KAT2B: variants seen among roughly 807,000 people sequenced by gnomAD.
KAT2B encodes histone acetyltransferase KAT2B.
Under a neutral mutation model 105.9 loss-of-function variants are expected in KAT2B, and 36 were observed. The observed-to-expected ratio is 0.34, with a 90% CI of 0.26 to 0.45. The LOEUF is 0.45. KAT2B is among the 20% of genes least tolerant of loss of function. The probability of loss-of-function intolerance (pLI) is 1.00; values close to 1 mark genes in which losing one functional copy is unlikely to be tolerated. For missense variants in KAT2B, 820 were observed against 1,021.6 expected, an observed-to-expected ratio of 0.80 and a Z score of 2.69; for synonymous variants, 397 against 377.9, an observed-to-expected ratio of 1.05 and a Z score of -0.59.
chr3:20,113,019 A>G (rs984375216), intron 6 of KAT2B, among the ~76,000 whole-genome samples: 2 of 152,230 alleles, frequency 1.3e-5, no homozygotes, highest in African/African-American at 2.4e-5. Context: ...CAATATTTGC[A>G]CATATATTTC....
At chr3:20,042,355 C>T (rs552679002) in intron 1 of KAT2B, among the ~76,000 whole-genome samples, 9 of 152,160 alleles carry the variant, frequency 5.9e-5, no homozygotes, top group Non-Finnish European at 5.9e-5. Flanking sequence ...AGGAGTTGAT[C>T]ATGAAGGGCA....
chr3:20,152,450 A>G lies in KAT2B; in HGVS notation c.2424A>G (p.Glu808=), dbSNP rs1234871905. The G allele has an allele frequency of 4.3e-6, 7 of 1,613,382 alleles. No homozygotes were observed. The African/African-American group carries it at 8.0e-5, about 18-fold the overall frequency. Residue 808 remains glutamate (E), a synonymous_variant, in exon 18 of 18, where the codon GAA becomes GAG. Coordinates refer to ENST00000263754, the MANE Select transcript of KAT2B (RefSeq NM_003884.5). The part of the protein sequence containing the change: ...NCKEYNPPES[E]YYKCANILEK... Reference sequence around the variant, plus strand: ...AAGAGTACAACCCCCCTGAGAGTGAATACTACAAATGTGCCAATATCCTGG... The same window carrying G: ...AAGAGTACAACCCCCCTGAGAGTGAGTACTACAAATGTGCCAATATCCTGG...
chr3:20,078,005 C>T (rs1048121145), intron 2 of KAT2B, among the ~76,000 whole-genome samples: 18 of 151,970 alleles, frequency 1.2e-4, no homozygotes, highest in African/African-American at 4.1e-4. Context: ...CGAAACTCCA[C>T]CTCTACAAAA....
At chr3:20,042,233 T>C (rs1575099770) in intron 1 of KAT2B, among the ~76,000 whole-genome samples, 1 of 152,230 alleles carries the variant, frequency 6.6e-6, no homozygotes, top group African/African-American at 2.4e-5. Context: ...TTTGTCCCCT[T>C]TGATTTTAGC....
intron 1 of KAT2B, among the ~76,000 whole-genome samples, chr3:20,048,834 G>A: frequency 6.6e-6 from 1 of 152,156 alleles, no homozygotes; most frequent in Middle Eastern, 3.2e-3. Context: ...GGGAATCCTT[G>A]CTTCTTTCCC....
intron 11 of KAT2B, among the ~76,000 whole-genome samples, chr3:20,133,004 C>T (rs2125185400): frequency 6.6e-6 from 1 of 152,330 alleles, no homozygotes; most frequent in Admixed American, 6.5e-5. Flanking sequence ...TCCAACTGGC[C>T]AACCATTTGC....
At chr3:20,079,273 C>T (rs1482997632) in intron 2 of KAT2B, among the ~76,000 whole-genome samples, 37 of 144,464 alleles carry the variant, frequency 2.6e-4, no homozygotes, top group African/African-American at 8.8e-4. Context: ...GGTGCAATCT[C>T]GGCTCACTGC....
intron 1 of KAT2B, among the ~76,000 whole-genome samples, chr3:20,061,861 TA>T (rs1698108762): frequency 1.8e-5 from 2 of 110,990 alleles, no homozygotes; most frequent in South Asian, 2.9e-4. Flanking sequence ...ATAATATACA[TA>T]AAATATATAA....
intron 8 of KAT2B, among the ~76,000 whole-genome samples, chr3:20,120,793 C>T (rs141456670): frequency 1.0e-3 from 158 of 152,038 alleles, no homozygotes; most frequent in Non-Finnish European, 1.7e-3. Context: ...TGACGTCAGA[C>T]AAATCTTGGA....
chr3:20,047,965 T>A (rs980816594), intron 1 of KAT2B, among the ~76,000 whole-genome samples: 2 of 152,140 alleles, frequency 1.3e-5, no homozygotes, highest in African/African-American at 4.8e-5. Context: ...GTTGTTGGTT[T>A]GCAAACAGAA....
chr3:20,076,108 C>T (rs567923559), intron 2 of KAT2B, among the ~76,000 whole-genome samples: 3 of 151,996 alleles, frequency 2.0e-5, no homozygotes, highest in East Asian at 3.9e-4. Context: ...CAGGTATGAT[C>T]GAAAGGGGCT....
chr3:20,078,412 G>C (rs192154572), intron 2 of KAT2B, among the ~76,000 whole-genome samples: 11 of 151,984 alleles, frequency 7.2e-5, no homozygotes, highest in Non-Finnish European at 1.2e-4. Flanking sequence ...TTTCTCTTCT[G>C]TCCAGGCTGA....
At chr3:20,079,618 A>G (rs1381578578) in intron 2 of KAT2B, among the ~76,000 whole-genome samples, 1 of 152,242 alleles carries the variant, frequency 6.6e-6, no homozygotes, top group African/African-American at 2.4e-5. Context: ...GGATATTTCA[A>G]GTATTTAAAT....
intron 10 of KAT2B, 128 bp downstream of exon 10, chr3:20,126,241 G>GC: frequency 1.4e-6 from 1 of 710,726 alleles, no homozygotes; most frequent in Non-Finnish European, 2.3e-6. Context: ...TGGATACAGA[G>GC]CTTCACCAAG....
chr3:20,106,593 C>T (rs73818813), intron 5 of KAT2B, among the ~76,000 whole-genome samples: 11,373 of 152,026 alleles, frequency 0.075, 477 homozygotes, highest in East Asian at 0.2. Flanking sequence ...AAATTGAGGT[C>T]TATAAAATGA....
In KAT2B at chr3:20,127,621, G is replaced by A. The variant is rs951096256; in HGVS notation, c.1749+72G>A. ...TCTCACTAAGGCCTGCAGAGCTTGG[G>A]AAGATCTCTCTGTGCCATGTCCAGA... On this transcript the variant is annotated intron_variant, in intron 11 of 17. Coordinates refer to ENST00000263754, the MANE Select transcript of KAT2B (RefSeq NM_003884.5). The A allele has an allele frequency of 6.3e-6, 9 of 1,427,886 alleles. No individual in the cohort carries two copies. The African/African-American group carries it at 1.1e-4, about 18-fold the overall frequency. The allele number at this position is 1,427,886 out of a possible 1,614,324, so 88.5% of individuals were successfully genotyped here.
chr3:20,108,787 G>A (rs1197562699), intron 5 of KAT2B, among the ~76,000 whole-genome samples: 1 of 152,188 alleles, frequency 6.6e-6, no homozygotes, highest in African/African-American at 2.4e-5. Flanking sequence ...TCCACCTCCT[G>A]TCAGATCAGT....
chr3:20,072,783 G>A (rs1326811366), intron 2 of KAT2B, among the ~76,000 whole-genome samples: 1 of 152,188 alleles, frequency 6.6e-6, no homozygotes, highest in African/African-American at 2.4e-5. Flanking sequence ...GGGGGTTGGG[G>A]CCTGAGGGTC....
intron 1 of KAT2B, among the ~76,000 whole-genome samples, chr3:20,064,860 GC>G (rs925188479): frequency 6.6e-6 from 1 of 152,176 alleles, no homozygotes; most frequent in Non-Finnish European, 1.5e-5. Flanking sequence ...TCCAACAAAT[GC>G]GACTTTCCAA....
Sources: allele counts gnomAD v4.1 joint callset (sites outside exome capture counted in the v4.1 genomes callset), GRCh38; gene constraint gnomAD v4.1.1; transcripts MANE v1.5; gene names NCBI Gene and HGNC (gene_info 2026-07-23, HGNC 2026-07-21).